The following CACNA1G variants were observed in gnomAD, a reference collection of about 807,000 sequenced individuals.
CACNA1G encodes the protein calcium voltage-gated channel subunit alpha1 G.
CACNA1G carries 67 observed loss-of-function variants against 219.4 expected under a neutral mutation model. The ratio of observed to expected loss-of-function variants is 0.31; its 90% CI spans 0.25 to 0.37. The LOEUF (loss-of-function observed/expected upper bound fraction) is 0.37, where lower values mean the gene tolerates loss of function less well. CACNA1G is among the 10% of genes least tolerant of loss of function. The pLI, the probability that CACNA1G is intolerant of heterozygous loss-of-function variation, is 1.00. For missense variants in CACNA1G, 2,380 were observed against 3,231.4 expected, an observed-to-expected ratio of 0.74 and a Z score of 6.39; for synonymous variants, 1,296 against 1,345.3, an observed-to-expected ratio of 0.96 and a Z score of 0.80.
chr17:50,608,920 A>T (rs2048560420), intron 25 of CACNA1G, among the ~76,000 whole-genome samples: 1 of 151,942 alleles, frequency 6.6e-6, no homozygotes, highest in Non-Finnish European at 1.5e-5. Context: ...TCTCTCTCTC[A>T]GTCACGGCCC....
intron 1 of CACNA1G, among the ~76,000 whole-genome samples, chr17:50,562,685 A>G (rs1567934782): frequency 6.6e-6 from 1 of 152,162 alleles, no homozygotes; most frequent in Non-Finnish European, 1.5e-5. Context: ...CAGGCCCGCG[A>G]AAGTCTTGAG....
In CACNA1G at chr17:50,590,617, C is replaced by T; in HGVS notation, c.2448C>T (p.Val816=). 1.2e-6 allele frequency: 2 copies of T among 1,613,582 alleles called. No individual in the cohort carries two copies. Among genetic ancestry groups the T allele is most frequent in the Non-Finnish European group, 1.7e-6 (2 of 1,179,710 alleles). The part of the protein sequence containing the change: ...PYNIFDGVIV[V]ISVWEIVGQQ... ...ACATCTTCGATGGTGTCATTGTGGT[C>T]ATCAGGTATGACTACCCCCCGGCAC... is the stretch of plus-strand genomic sequence containing the variant. Residue 816 remains valine (V), a synonymous_variant, in exon 10 of 38, where the codon GTC becomes GTT. Coordinates refer to ENST00000359106, the MANE Select transcript of CACNA1G (RefSeq NM_018896.5).
Position 50,591,460 on chromosome 17 carries a change from G to T in CACNA1G, c.2479G>T (p.Gly827Trp). The T allele has an allele frequency of 1.3e-6, 2 of 1,590,524 alleles. No homozygotes were observed. The highest frequency in any genetic ancestry group is 1.3e-5 in the African/African-American group (1 of 74,760). Residue 827 changes from glycine (G) to tryptophan (W), a missense_variant, in exon 11 of 38, where the codon GGG (glycine) becomes TGG (tryptophan). By Grantham distance (184) the Gly-to-Trp change is radical. Transcript: ENST00000359106. ...ISVWEIVGQQ[G>W]GGLSVLRTFR... is the part of the protein sequence containing the mutation. ...CGTGTGGGAGATCGTGGGCCAGCAG[G>T]GGGGCGGCCTGTCGGTGCTGCGGAC...
chr17:50,615,572 A>G (rs2050353646), intron 27 of CACNA1G, 60 bp downstream of exon 27: 4 of 1,575,788 alleles, frequency 2.5e-6, no homozygotes, highest in Non-Finnish European at 1.7e-6. Context: ...ACCTCTGGGC[A>G]AGGTTAACAC....
intron 13 of CACNA1G, 38 bp from the exon 14 acceptor site, chr17:50,594,955 G>T: frequency 6.6e-7 from 1 of 1,526,432 alleles, no homozygotes; most frequent in Non-Finnish European, 8.9e-7. Flanking sequence ...GAGCGCCTGT[G>T]ACCAGCAGCC....
At chr17:50,566,264 A>C (rs1027341229) in intron 1 of CACNA1G, among the ~76,000 whole-genome samples, 2 of 151,944 alleles carry the variant, frequency 1.3e-5, no homozygotes, top group Admixed American at 6.6e-5. Flanking sequence ...ACATACTGCC[A>C]TGTTCCCAAG....
Position 50,561,304 on chromosome 17 carries a change from G to A in CACNA1G, c.-156G>A. 1.2e-6 allele frequency: 1 copy of A among 829,320 alleles called. No homozygotes were observed. The highest frequency in any genetic ancestry group is 1.8e-5 in the African/African-American group (1 of 55,880). 51.4% of individuals were successfully genotyped at this position (829,320 alleles called of 1,614,324 possible). The stretch of plus-strand genomic sequence containing the variant: ...GGCAGCATGCCCCTGCGGGCAGGGG[G>A]AGCTGGGCTGAACTGGCCCTCCCGG... On this transcript the variant is annotated 5_prime_UTR_variant, in exon 1 of 38. Coordinates refer to ENST00000359106, the MANE Select transcript of CACNA1G (RefSeq NM_018896.5).
At chr17:50,570,140 A>G (rs1038008048) in intron 4 of CACNA1G, among the ~76,000 whole-genome samples, 13 of 152,112 alleles carry the variant, frequency 8.5e-5, no homozygotes, top group African/African-American at 3.1e-4. Flanking sequence ...AGTGGACGCA[A>G]AGTGCTAATG....
chr17:50,615,292 G>C, intron 26 of CACNA1G, 69 bp from the exon 27 acceptor site: 3 of 1,392,634 alleles, frequency 2.2e-6, no homozygotes, highest in Non-Finnish European at 2.8e-6. Context: ...GGCTGTGAGG[G>C]ACTGGGGGTG....
chr17:50,595,046 T>G lies in CACNA1G; in HGVS notation c.2964T>G (p.Pro988=). The part of the protein sequence containing the change: ...ASGQLSCIQL[P]VDSQGGDANK... ...GACAGTTAAGCTGTATTCAGCTGCCTGTCGACTCCCAGGGGGTAGGTACGC... is the reference window on the plus strand; with the variant it reads ...GACAGTTAAGCTGTATTCAGCTGCCGGTCGACTCCCAGGGGGTAGGTACGC... The change falls in exon 14 of 38, where the codon CCT becomes CCG. Residue 988 remains proline (P), a synonymous_variant. Transcript: ENST00000359106. 1.3e-6 allele frequency: 2 copies of G among 1,553,826 alleles called. No individual in the cohort carries two copies. The highest frequency in any genetic ancestry group is 1.7e-6 in the Non-Finnish European group (2 of 1,148,136).
chr17:50,600,933 G>A lies in CACNA1G; in HGVS notation c.3791+107G>A. ...TTTGAGAAGTGGCACCCTGCCTGGG[G>A]TGTGAGCAGGGTGGCCTCAGCTGGG... On this transcript the variant is annotated intron_variant, in intron 18 of 37. Transcript: ENST00000359106. The surrounding 1 kb of genome is among the most constrained non-coding windows in gnomAD (Gnocchi z 4.1). 1.3e-6 allele frequency: 2 copies of A among 1,555,342 alleles called. No homozygotes were observed. The highest frequency in any genetic ancestry group is 1.8e-6 in the Non-Finnish European group (2 of 1,132,306).
At position 50,600,837 on chromosome 17, in the gene CACNA1G, G is replaced by A; in HGVS notation, c.3791+11G>A. The A allele has an allele frequency of 6.2e-7, 1 of 1,609,756 alleles. No homozygotes were observed. The highest frequency in any genetic ancestry group is 8.5e-7 in the Non-Finnish European group (1 of 1,176,222). On this transcript the variant is annotated intron_variant, in intron 18 of 37. Coordinates refer to ENST00000359106, the MANE Select transcript of CACNA1G (RefSeq NM_018896.5). This position sits in a 1 kb window ranked among gnomAD's most constrained non-coding sequence, Gnocchi z 4.1. Reference sequence around the variant, plus strand: ...CCCTCCTCAGTCCAGGTAAGTGACAGGGCAGGGGTCTGACCTGTGTCCCGA... The same window carrying A: ...CCCTCCTCAGTCCAGGTAAGTGACAAGGCAGGGGTCTGACCTGTGTCCCGA...
At chr17:50,582,055 G>A (rs1365143599) in intron 9 of CACNA1G, among the ~76,000 whole-genome samples, 1 of 152,250 alleles carries the variant, frequency 6.6e-6, no homozygotes, top group African/African-American at 2.4e-5. Flanking sequence ...GTTCTCCCAA[G>A]CCAGTGAGAA....
At chr17:50,602,576 G>A (rs2046953231) in intron 19 of CACNA1G, among the ~76,000 whole-genome samples, 1 of 152,222 alleles carries the variant, frequency 6.6e-6, no homozygotes, top group South Asian at 2.1e-4. Context: ...CTAAGTGGCT[G>A]TGGGGGCGGG....
Position 50,600,985 on chromosome 17 carries a change from G to T in CACNA1G, c.3792-66G>T, listed in dbSNP as rs1199633852. The T allele has an allele frequency of 6.3e-7, 1 of 1,597,012 alleles. No individual in the cohort carries two copies. Among genetic ancestry groups the T allele is most frequent in the African/African-American group, 1.3e-5 (1 of 74,770 alleles). On this transcript the variant is annotated intron_variant, in intron 18 of 37. Transcript: ENST00000359106. The surrounding 1 kb of genome is among the most constrained non-coding windows in gnomAD (Gnocchi z 4.1). Reference sequence around the variant, plus strand: ...GGGCACTGGAGGGGCAGGGGCTGCGGGCGGTGCCTCTCGTTGCCACCTGCC... The same window carrying T: ...GGGCACTGGAGGGGCAGGGGCTGCGTGCGGTGCCTCTCGTTGCCACCTGCC...
Position 50,603,056 on chromosome 17 carries a change from G to T in CACNA1G, c.4026G>T (p.Leu1342=). 1 of 1,613,574 alleles carries T rather than the reference G, an allele frequency of 6.2e-7. No individual in the cohort carries two copies. Among genetic ancestry groups the T allele is most frequent in the Non-Finnish European group, 8.5e-7 (1 of 1,179,738 alleles). ...GGTGCTTCGGGGAGCAGGCGTACCTGCGGAGCAGTTGGAACGTGCTGGACG... is the reference window on the plus strand; with the variant it reads ...GGTGCTTCGGGGAGCAGGCGTACCTTCGGAGCAGTTGGAACGTGCTGGACG... The part of the protein sequence containing the change: ...LGWCFGEQAY[L]RSSWNVLDGL... The change falls in exon 21 of 38, where the codon CTG becomes CTT. Residue 1342 remains leucine (L), a synonymous_variant. Transcript: ENST00000359106. This position sits in a 1 kb window ranked among gnomAD's most constrained non-coding sequence, Gnocchi z 6.4.
At chr17:50,573,327 G>A (rs755716016) in intron 7 of CACNA1G, 60 of 540,104 alleles carry the variant, frequency 1.1e-4, no homozygotes, top group Non-Finnish European at 1.8e-4. Context: ...TTGGGACCTT[G>A]GGCAAGTCAT....
In CACNA1G at chr17:50,623,898, C is replaced by G. The variant is rs2052935114; in HGVS notation, c.6061-9C>G. 6.2e-7 allele frequency: 1 copy of G among 1,604,196 alleles called. No homozygotes were observed. The highest frequency in any genetic ancestry group is 8.5e-7 in the Non-Finnish European group (1 of 1,172,412). ...CTTCCTCCACCTCCCTCCCCTGTTCCTTTTGCAGATGCAGCCCCACCCCAC... is the reference window on the plus strand; with the variant it reads ...CTTCCTCCACCTCCCTCCCCTGTTCGTTTTGCAGATGCAGCCCCACCCCAC... On this transcript the variant is annotated splice_polypyrimidine_tract_variant and intron_variant, in intron 35 of 37. Coordinates refer to ENST00000359106, the MANE Select transcript of CACNA1G (RefSeq NM_018896.5).
chr17:50,573,539 G>GT (rs1207849138), intron 7 of CACNA1G: 1 of 157,856 alleles, frequency 6.3e-6, no homozygotes, highest in African/African-American at 2.4e-5. Flanking sequence ...GAATCCAGTG[G>GT]TTTTTTAAGC....
Sources: allele counts gnomAD v4.1 joint callset (sites outside exome capture counted in the v4.1 genomes callset), GRCh38; gene constraint gnomAD v4.1.1; non-coding constraint Gnocchi (gnomAD v3.1); transcripts MANE v1.5; gene names NCBI Gene and HGNC (gene_info 2026-07-23, HGNC 2026-07-21).